EXOC6B: variants seen among roughly 807,000 people sequenced by gnomAD.
EXOC6B encodes the protein SEC15 homolog B.
A neutral mutation model predicts 113.5 loss-of-function variants in EXOC6B; 54 were observed. That is an observed-to-expected ratio of 0.48 (90% CI 0.38 to 0.60). The LOEUF (loss-of-function observed/expected upper bound fraction) is 0.60. EXOC6B is among the 20% of genes least tolerant of loss of function. The pLI is 0.00. For synonymous variants in EXOC6B, 357 were observed against 339.0 expected (o/e 1.05, Z -0.58); for missense variants, 797 against 977.5 (o/e 0.82, Z 2.46).
At chr2:72,602,989 G>A (rs1201488981) in intron 6 of EXOC6B, among the ~76,000 whole-genome samples, 1 of 151,834 alleles carries the variant, frequency 6.6e-6, no homozygotes, top group Non-Finnish European at 1.5e-5. Context: ...AAAATAAGAG[G>A]AGGATGAGAA....
chr2:72,466,816 A>G (rs755469743), intron 17 of EXOC6B, among the ~76,000 whole-genome samples: 6 of 152,220 alleles, frequency 3.9e-5, no homozygotes, highest in Non-Finnish European at 5.9e-5. Flanking sequence ...CTAATAATTA[A>G]CATATGCATT....
At position 72,728,318 on chromosome 2, in the gene EXOC6B, T is replaced by C. The variant is rs80190118; in HGVS notation, c.464+2689A>G. On this transcript the variant is annotated intron_variant, in intron 5 of 21. Coordinates refer to ENST00000272427, the MANE Select transcript of EXOC6B (RefSeq NM_015189.3). ...GCCAGACCTATTCAATCAGAATCTA[T>C]ATTTAACTAATCCCTATGATATCAT... 2.4e-3 allele frequency among the ~76,000 whole-genome samples: 365 copies of C among 152,316 alleles called. 1 individual carries two copies. Among genetic ancestry groups the C allele is most frequent in the Middle Eastern group, 6.8e-3 (2 of 294 alleles).
chr2:72,821,231 A>G (rs1248890629), intron 1 of EXOC6B, among the ~76,000 whole-genome samples: 4 of 152,138 alleles, frequency 2.6e-5, no homozygotes, highest in Non-Finnish European at 5.9e-5. Flanking sequence ...AAGCACATGA[A>G]AAGAACAGCT....
intron 20 of EXOC6B, among the ~76,000 whole-genome samples, chr2:72,197,513 C>T (rs1679245974): frequency 6.6e-6 from 1 of 151,898 alleles, no homozygotes; most frequent in African/African-American, 2.4e-5. Flanking sequence ...ATCTATATTC[C>T]ACGGGGAGTG....
At chr2:72,463,456 A>G (rs1019777526) in intron 18 of EXOC6B, 2 of 152,104 alleles carry the variant, frequency 1.3e-5, no homozygotes, top group Admixed American at 6.6e-5. Flanking sequence ...TGAGGTGAAA[A>G]TCTGCAGCTT....
At chr2:72,595,784 G>A (rs1670045639) in intron 6 of EXOC6B, among the ~76,000 whole-genome samples, 1 of 152,070 alleles carries the variant, frequency 6.6e-6, no homozygotes, top group Non-Finnish European at 1.5e-5. Flanking sequence ...ACAATGGAAT[G>A]CCAACATACT....
chr2:72,224,994 G>GTATATATATATATATATATA (rs1553468230), intron 20 of EXOC6B, among the ~76,000 whole-genome samples: 3 of 137,254 alleles, frequency 2.2e-5, no homozygotes, highest in African/African-American at 7.9e-5. Flanking sequence ...GTGTGTGTGT[G>GTATATATATATATATATATA]TATATATATA....
intron 20 of EXOC6B, among the ~76,000 whole-genome samples, chr2:72,233,797 C>T (rs1681783293): frequency 6.6e-6 from 1 of 152,204 alleles, no homozygotes; most frequent in Non-Finnish European, 1.5e-5. Flanking sequence ...GCAGCCACAG[C>T]TTCCTGCTGT....
At chr2:72,515,796 T>G (rs200203034) in intron 8 of EXOC6B, 5 of 920,016 alleles carry the variant, frequency 5.4e-6, no homozygotes, top group Middle Eastern at 5.6e-4. Context: ...AACTTCAGAA[T>G]GCAACCATAT....
intron 6 of EXOC6B, among the ~76,000 whole-genome samples, chr2:72,609,752 A>G (rs1178941738): frequency 1.3e-5 from 2 of 152,082 alleles, no homozygotes; most frequent in Admixed American, 1.3e-4. Context: ...CTAGAGGTCC[A>G]AGAAGATCAA....
At chr2:72,669,910 T>C (rs1675674145) in intron 6 of EXOC6B, among the ~76,000 whole-genome samples, 1 of 152,192 alleles carries the variant, frequency 6.6e-6, no homozygotes, top group African/African-American at 2.4e-5. Flanking sequence ...CTTGAATTAG[T>C]TACCTGAACC....
chr2:72,411,187 G>A (rs958372432), intron 18 of EXOC6B, among the ~76,000 whole-genome samples: 1 of 152,116 alleles, frequency 6.6e-6, no homozygotes, highest in African/African-American at 2.4e-5. Flanking sequence ...ACTCCAGCCT[G>A]GGTGACAGAG....
chr2:72,334,015 C>T (rs1450357550), intron 20 of EXOC6B, among the ~76,000 whole-genome samples: 2 of 151,282 alleles, frequency 1.3e-5, no homozygotes, highest in Non-Finnish European at 2.9e-5. Flanking sequence ...GCTCTGAAAA[C>T]AAGAGGCACT....
At chr2:72,557,452 G>T (rs1703623043) in intron 8 of EXOC6B, among the ~76,000 whole-genome samples, 1 of 151,998 alleles carries the variant, frequency 6.6e-6, no homozygotes, top group African/African-American at 2.4e-5. Flanking sequence ...TAACATGAAT[G>T]GTACATGTGC....
intron 18 of EXOC6B, among the ~76,000 whole-genome samples, chr2:72,452,683 A>G (rs999205375): frequency 5.3e-5 from 8 of 152,210 alleles, no homozygotes; most frequent in African/African-American, 1.7e-4. Context: ...ATTAACAGAT[A>G]TATTTGGCTG....
At chr2:72,297,187 T>G (rs1686189797) in intron 20 of EXOC6B, among the ~76,000 whole-genome samples, 1 of 152,212 alleles carries the variant, frequency 6.6e-6, no homozygotes, top group East Asian at 1.9e-4. Flanking sequence ...AAATTTCATA[T>G]GTCTTGGAAA....
intron 16 of EXOC6B, among the ~76,000 whole-genome samples, chr2:72,485,919 G>A (rs1699398486): frequency 6.6e-6 from 1 of 152,172 alleles, no homozygotes; most frequent in African/African-American, 2.4e-5. Flanking sequence ...GGTTTCACCA[G>A]AAGGAACTCT....
chr2:72,751,719 A>G (rs1682054641), intron 1 of EXOC6B, among the ~76,000 whole-genome samples: 1 of 152,178 alleles, frequency 6.6e-6, no homozygotes, highest in Non-Finnish European at 1.5e-5. Context: ...CAAAATGCAG[A>G]AAGACGAAAG....
At chr2:72,424,550 G>A (rs540144010) in intron 18 of EXOC6B, among the ~76,000 whole-genome samples, 1 of 152,060 alleles carries the variant, frequency 6.6e-6, no homozygotes, top group South Asian at 2.1e-4. Flanking sequence ...TTTAAACACA[G>A]ATTAATAGTT....
Sources: allele counts gnomAD v4.1 joint callset (sites outside exome capture counted in the v4.1 genomes callset), GRCh38; gene constraint gnomAD v4.1.1; transcripts MANE v1.5; gene names NCBI Gene and HGNC (gene_info 2026-07-23, HGNC 2026-07-21).